TTC23L: variants seen among roughly 807,000 people sequenced by gnomAD.
TTC23L encodes the protein tetratricopeptide repeat protein 23-like.
In TTC23L, 42 loss-of-function variants were observed where a neutral mutation model predicts 48.1. The ratio of observed to expected loss-of-function variants is 0.87; its 90% CI spans 0.68 to 1.13. The LOEUF (loss-of-function observed/expected upper bound fraction) is 1.13. Ranked by LOEUF, TTC23L falls within the 50% of genes most tolerant of loss-of-function variation. TTC23L has a pLI of 0.00. For missense variants in TTC23L, 391 were observed against 421.0 expected, an observed-to-expected ratio of 0.93 and a Z score of 0.62; for synonymous variants, 159 against 157.2, an observed-to-expected ratio of 1.01 and a Z score of -0.09.
chr5:34,912,633 T>G, the TTC23L span, among the ~76,000 whole-genome samples: 2 of 152,186 alleles, frequency 1.3e-5, no homozygotes, highest in Non-Finnish European at 2.9e-5. Context: ...TCCTTAGTTT[T>G]ATACCCACAG....
the TTC23L span, among the ~76,000 whole-genome samples, chr5:34,923,653 C>T: frequency 5.3e-5 from 8 of 152,150 alleles, no homozygotes; most frequent in Admixed American, 3.3e-4. Flanking sequence ...CAAATCATTC[C>T]TCCTCAGCAT....
At chr5:34,922,819 T>A in the TTC23L span, 1 of 1,506,932 alleles carries the variant, frequency 6.6e-7, no homozygotes, top group Non-Finnish European at 9.2e-7. Context: ...CTGGCATGGT[T>A]GTTTTTAGTA....
the TTC23L span, chr5:34,918,577 G>T: frequency 1.6e-6 from 1 of 628,278 alleles, no homozygotes; most frequent in East Asian, 3.3e-5. Context: ...GTGTTCTCAC[G>T]AAAAAAACAC....
At chr5:34,840,604 G>A (rs755405692) in intron 1 of TTC23L, 61 bp from the exon 2 acceptor site, 2 of 1,440,172 alleles carry the variant, frequency 1.4e-6, no homozygotes, top group Non-Finnish European at 2.0e-6. Context: ...AACCAGAGGG[G>A]GAAAATAGAA....
chr5:34,922,048 A>AC, the TTC23L span: 3 of 409,420 alleles, frequency 7.3e-6, no homozygotes, highest in Non-Finnish European at 1.3e-5. Context: ...AGAATACCTA[A>AC]GAGGAACTTT....
rs1225442072 is a variant in TTC23L, at chr5:34,863,048, A to G, written c.530A>G (p.Gln177Arg). Reference sequence around the variant, plus strand: ...ACTCTGGGCGTGGCCTGGCTCCTGCAGAACCGATATCCTTCCATTCCTAGC... The same window carrying G: ...ACTCTGGGCGTGGCCTGGCTCCTGCGGAACCGATATCCTTCCATTCCTAGC... The change falls in exon 5 of 11, where the codon CAG becomes CGG. Residue 177 changes from glutamine (Q) to arginine (R), a missense_variant. Physicochemically the swap from Gln to Arg is conservative, Grantham distance 43. Transcript: ENST00000505624. This position sits in a 1 kb window ranked among gnomAD's most constrained non-coding sequence, Gnocchi z 4.1. The G allele has an allele frequency of 1.2e-5, 19 of 1,613,802 alleles. No individual in the cohort carries two copies. The highest frequency in any genetic ancestry group is 3.3e-4 in the Middle Eastern group (2 of 6,076).
At chr5:34,907,458 AACAAAG>A in the TTC23L span, 2 of 152,236 alleles carry the variant, frequency 1.3e-5, no homozygotes, top group African/African-American at 4.8e-5. Flanking sequence ...CTGGTACAGT[AACAAAG>A]ACAGAAGCTT....
At chr5:34,907,757 G>C in the TTC23L span, 1 of 152,084 alleles carries the variant, frequency 6.6e-6, no homozygotes, top group Non-Finnish European at 1.5e-5. Flanking sequence ...TCTTCAAAAG[G>C]TCTACTTTAA....
At chr5:34,878,511 T>C (rs1252741690) in intron 8 of TTC23L, among the ~76,000 whole-genome samples, 4 of 152,206 alleles carry the variant, frequency 2.6e-5, no homozygotes, top group South Asian at 2.1e-4. Flanking sequence ...TATTAGCAAA[T>C]TGATTCTGAA....
At chr5:34,849,066 C>A (rs1166487926) in intron 3 of TTC23L, among the ~76,000 whole-genome samples, 1 of 152,100 alleles carries the variant, frequency 6.6e-6, no homozygotes, top group Non-Finnish European at 1.5e-5. Flanking sequence ...CAAGAATAAA[C>A]CATGTGTCCT....
intron 1 of TTC23L, chr5:34,839,795 G>A (rs1416336959): frequency 2.4e-5 from 7 of 297,570 alleles, no homozygotes; most frequent in Non-Finnish European, 3.5e-5. Context: ...CCTTCCTTGA[G>A]AGTTGAATTT....
chr5:34,865,528 T>C lies in TTC23L; in HGVS notation c.662+966T>C, dbSNP rs1289344262. ...AGTCTTATTCTTTTTTCAGAAAAAC[T>C]CTGGTGCTCATTTTGTTCATCCATT... On this transcript the variant is annotated intron_variant, in intron 6 of 10. Transcript: ENST00000505624. 4.6e-5 allele frequency among the ~76,000 whole-genome samples: 7 copies of C among 152,346 alleles called. No homozygotes were observed. In the South Asian group the frequency reaches 1.2e-3, roughly 27 times the overall value.
At chr5:34,916,091 G>A in the TTC23L span, 2 of 574,418 alleles carry the variant, frequency 3.5e-6, no homozygotes, top group South Asian at 7.0e-5. Flanking sequence ...CCGTCTTCCT[G>A]GAGGCGGCGG....
At chr5:34,916,185 G>GC in the TTC23L span, 1 of 220,836 alleles carries the variant, frequency 4.5e-6, no homozygotes, top group South Asian at 1.3e-4. Flanking sequence ...TTGTTCAGTT[G>GC]TTTTTTTTTT....
chr5:34,925,580 C>A, the TTC23L span: 1 of 1,157,354 alleles, frequency 8.6e-7, no homozygotes, highest in Non-Finnish European at 1.2e-6. Flanking sequence ...CTAATACTAT[C>A]TTACGTCTAA....
chr5:34,856,113 T>G (rs1476510576), intron 4 of TTC23L, among the ~76,000 whole-genome samples: 1 of 152,194 alleles, frequency 6.6e-6, no homozygotes, highest in Non-Finnish European at 1.5e-5. Flanking sequence ...ATTGCCATTT[T>G]CAGAGAGAAG....
At chr5:34,920,022 G>C in the TTC23L span, 2 of 477,698 alleles carry the variant, frequency 4.2e-6, no homozygotes, top group South Asian at 2.4e-5. Flanking sequence ...TCAATAACTG[G>C]TCTTCCAAAT....
rs1376536611 is a variant in TTC23L at position 34,857,177 on chromosome 5, G to A, written c.380-5721G>A. ...ACTGCCCTGGTGATGATCCTAATGA[G>A]CCTAGTGATCCAGCAGCTGAGAAAG... On this transcript the variant is annotated intron_variant, in intron 4 of 10. Transcript: ENST00000505624. Among the ~76,000 whole-genome samples, 6 of 152,200 alleles carry A rather than the reference G, an allele frequency of 3.9e-5. No homozygotes were observed. In the East Asian group the frequency reaches 1.2e-3, roughly 29 times the overall value.
At chr5:34,848,570 A>G (rs886653896) in intron 3 of TTC23L, among the ~76,000 whole-genome samples, 1 of 152,190 alleles carries the variant, frequency 6.6e-6, no homozygotes, top group African/African-American at 2.4e-5. Context: ...GTAATGGGAT[A>G]TTGAGTGATG....
Sources: gnomAD v4.1 joint callset for allele counts (sites outside exome capture counted in the v4.1 genomes callset) on GRCh38, gnomAD v4.1.1 for gene constraint, Gnocchi (gnomAD v3.1) non-coding constraint, MANE v1.5 for transcripts, NCBI Gene and HGNC (gene_info 2026-07-23, HGNC 2026-07-21) for gene names.